CFAP54: variants seen among roughly 807,000 people sequenced by gnomAD.
CFAP54 encodes cilia- and flagella-associated protein 54.
CFAP54 carries 290 observed loss-of-function variants against 370.4 expected under a neutral mutation model. That is an observed-to-expected ratio of 0.78 (90% CI 0.71 to 0.86). The LOEUF is 0.86. Among genes scored for constraint, CFAP54 ranks in the 40% least tolerant of loss-of-function variants. CFAP54 has a pLI of 0.00. For missense variants in CFAP54, 3,399 were observed against 3,528.7 expected, an observed-to-expected ratio of 0.96 and a Z score of 0.93; for synonymous variants, 1,206 against 1,236.5, an observed-to-expected ratio of 0.98 and a Z score of 0.52.
intron 50 of CFAP54, among the ~76,000 whole-genome samples, chr12:96,738,728 A>G (rs1958012084): frequency 6.7e-6 from 1 of 149,092 alleles, no homozygotes; most frequent in Non-Finnish European, 1.5e-5. Context: ...CTCCTGCCTC[A>G]GCCTCCCAAG....
intron 57 of CFAP54, among the ~76,000 whole-genome samples, chr12:96,757,148 T>C (rs1316885744): frequency 2.0e-5 from 3 of 152,192 alleles, no homozygotes; most frequent in Non-Finnish European, 2.9e-5. Flanking sequence ...GGGGCCTCCA[T>C]TTTCAAGGCA....
At chr12:96,838,414 G>T (rs1959193119) in intron 66 of CFAP54, among the ~76,000 whole-genome samples, 1 of 152,098 alleles carries the variant, frequency 6.6e-6, no homozygotes, top group Non-Finnish European at 1.5e-5. Flanking sequence ...CTGCTATAAA[G>T]AACTGCCCGA....
Position 96,621,466 on chromosome 12 carries a change from A to G in CFAP54, c.3640-124A>G, listed in dbSNP as rs1286466122. The stretch of plus-strand genomic sequence containing the variant: ...GAGGTAAACTTACGGTTTTTTTTAA[A>G]ATAAAAGGGGGATTCTTAGACTGAA... On this transcript the variant is annotated intron_variant, in intron 26 of 67. Coordinates refer to ENST00000524981, the MANE Select transcript of CFAP54 (RefSeq NM_001306084.2). 1.1e-5 allele frequency: 7 copies of G among 616,098 alleles called. No homozygotes were observed. In the East Asian group the frequency reaches 2.4e-4, roughly 21 times the overall value. The allele number at this position is 616,098 out of a possible 1,614,324, so 38.2% of individuals were successfully genotyped here.
intron 65 of CFAP54, among the ~76,000 whole-genome samples, chr12:96,819,472 GTT>G (rs1200242297): frequency 9.9e-5 from 15 of 152,124 alleles, no homozygotes; most frequent in Non-Finnish European, 1.8e-4. Flanking sequence ...AGAAATTATT[GTT>G]TTTTCTGGAG....
chr12:96,708,283 G>A (rs1957566673), intron 47 of CFAP54, among the ~76,000 whole-genome samples: 1 of 152,136 alleles, frequency 6.6e-6, no homozygotes, highest in Admixed American at 6.5e-5. Flanking sequence ...GCCGATGTGT[G>A]TGTCTAATGA....
intron 32 of CFAP54, among the ~76,000 whole-genome samples, chr12:96,633,397 A>G (rs11108598): frequency 0.034 from 5,217 of 152,332 alleles, 217 homozygotes; most frequent in African/African-American, 0.098. Context: ...ATAGTACAAT[A>G]TCACAACCAG....
At chr12:96,755,023 C>T (rs1958237255) in intron 56 of CFAP54, among the ~76,000 whole-genome samples, 1 of 152,150 alleles carries the variant, frequency 6.6e-6, no homozygotes, top group Non-Finnish European at 1.5e-5. Context: ...GGATTGCAAG[C>T]ATGAGCCACC....
chr12:96,495,369 C>T (rs555460844), intron 1 of CFAP54, among the ~76,000 whole-genome samples: 8 of 151,286 alleles, frequency 5.3e-5, no homozygotes, highest in East Asian at 1.9e-4. Context: ...GTGCAGTAGC[C>T]GGATCTTGGC....
intron 1 of CFAP54, among the ~76,000 whole-genome samples, chr12:96,495,820 A>G (rs1592812737): frequency 1.3e-5 from 2 of 152,166 alleles, no homozygotes; most frequent in Non-Finnish European, 2.9e-5. Context: ...CTTTCTTATT[A>G]TATAATCTTG....
chr12:96,590,879 A>C (rs1392117335), intron 23 of CFAP54, among the ~76,000 whole-genome samples: 1 of 152,162 alleles, frequency 6.6e-6, no homozygotes, highest in Non-Finnish European at 1.5e-5. Flanking sequence ...CAGTAGGTTT[A>C]TTTATCTAGT....
At chr12:96,622,934 T>TTTTG (rs528960437) in intron 27 of CFAP54, among the ~76,000 whole-genome samples, 6 of 151,726 alleles carry the variant, frequency 4.0e-5, no homozygotes, top group Non-Finnish European at 7.4e-5. Context: ...AATATGAGGG[T>TTTTG]TTTGTTTGTT....
chr12:96,725,606 T>G (rs1957823157), intron 50 of CFAP54, among the ~76,000 whole-genome samples: 1 of 152,348 alleles, frequency 6.6e-6, no homozygotes, highest in African/African-American at 2.4e-5. Flanking sequence ...AGATATACAA[T>G]CATGTCATCT....
intron 32 of CFAP54, among the ~76,000 whole-genome samples, chr12:96,635,172 A>G (rs1333600256): frequency 1.3e-5 from 2 of 152,240 alleles, no homozygotes; most frequent in Non-Finnish European, 2.9e-5. Context: ...AAACTTGTCT[A>G]TAATATGAAT....
chr12:96,543,356 G>T (rs563331090), intron 14 of CFAP54, among the ~76,000 whole-genome samples: 37 of 152,326 alleles, frequency 2.4e-4, no homozygotes, highest in African/African-American at 8.7e-4. Flanking sequence ...GGCTGCTGTT[G>T]TGAGTTCAGG....
intron 13 of CFAP54, among the ~76,000 whole-genome samples, chr12:96,538,988 A>G (rs1955539359): frequency 6.6e-6 from 1 of 151,396 alleles, no homozygotes; most frequent in African/African-American, 2.4e-5. Context: ...TCCCAGGTTC[A>G]AGCAATCTGC....
intron 3 of CFAP54, among the ~76,000 whole-genome samples, chr12:96,505,318 TC>T (rs1275004167): frequency 6.6e-6 from 1 of 151,912 alleles, no homozygotes; most frequent in Non-Finnish European, 1.5e-5. Context: ...CTCCTTGGCC[TC>T]CCAAAGTGCT....
At chr12:96,765,260 A>G (rs1958390198) in intron 60 of CFAP54, 42 bp downstream of exon 60, 2 of 1,411,042 alleles carry the variant, frequency 1.4e-6, no homozygotes, top group Non-Finnish European at 1.9e-6. Context: ...AAACTGATAT[A>G]TGTAATATAG....
At chr12:96,802,615 C>T (rs776512961) in intron 63 of CFAP54, among the ~76,000 whole-genome samples, 3 of 152,080 alleles carry the variant, frequency 2.0e-5, no homozygotes, top group Admixed American at 6.6e-5. Flanking sequence ...CACATCTGGC[C>T]GACTACTCCC....
intron 4 of CFAP54, among the ~76,000 whole-genome samples, chr12:96,508,145 T>TG (rs1555220790): frequency 1.3e-5 from 2 of 150,070 alleles, no homozygotes; most frequent in Non-Finnish European, 3.0e-5. Flanking sequence ...TTTTTTTTTT[T>TG]GTCTGAGACA....
Sources: allele counts gnomAD v4.1 joint callset (sites outside exome capture counted in the v4.1 genomes callset), GRCh38; gene constraint gnomAD v4.1.1; transcripts MANE v1.5; gene names NCBI Gene and HGNC (gene_info 2026-07-23, HGNC 2026-07-21).